The following PDGFC variants were observed in gnomAD, a reference collection of about 807,000 sequenced individuals.
The protein encoded by PDGFC is platelet-derived growth factor C.
Under a neutral mutation model 35.5 loss-of-function variants are expected in PDGFC, and 12 were observed. That is an observed-to-expected ratio of 0.34 (90% confidence interval 0.22 to 0.55). The LOEUF is 0.55. Among genes scored for constraint, PDGFC ranks in the 20% least tolerant of loss-of-function variants. The pLI is 0.91. For missense variants in PDGFC, 322 were observed against 412.4 expected (o/e 0.78, Z 1.90); for synonymous variants, 159 against 148.8 (o/e 1.07, Z -0.50).
chr4:156,769,814 T>G (rs1730644267), intron 4 of PDGFC, among the ~76,000 whole-genome samples: 1 of 152,026 alleles, frequency 6.6e-6, no homozygotes, highest in African/African-American at 2.4e-5. Context: ...TTGTTAAAAC[T>G]ATATATGAGC....
intron 1 of PDGFC, among the ~76,000 whole-genome samples, chr4:156,909,059 T>G (rs1730982057): frequency 6.6e-6 from 1 of 152,158 alleles, no homozygotes; most frequent in Admixed American, 6.5e-5. Flanking sequence ...AGTATTTGCT[T>G]AGAGAATAAG....
At chr4:156,821,184 T>C (rs1732246216) in intron 2 of PDGFC, among the ~76,000 whole-genome samples, 1 of 146,302 alleles carries the variant, frequency 6.8e-6, no homozygotes, top group Middle Eastern at 3.6e-3. Context: ...TGTGTGTGTG[T>C]GTGTGTGTGT....
chr4:156,863,283 A>G (rs1436949407), intron 1 of PDGFC, among the ~76,000 whole-genome samples: 2 of 152,172 alleles, frequency 1.3e-5, no homozygotes, highest in African/African-American at 4.8e-5. Flanking sequence ...CCTAATGACA[A>G]CATAAACCTT....
chr4:156,873,573 A>G (rs1173708219), intron 1 of PDGFC, among the ~76,000 whole-genome samples: 2 of 152,202 alleles, frequency 1.3e-5, no homozygotes, highest in African/African-American at 4.8e-5. Flanking sequence ...AAATCTATTC[A>G]TTTAAGAAAA....
intron 1 of PDGFC, among the ~76,000 whole-genome samples, chr4:156,878,341 G>T (rs1730163043): frequency 6.6e-6 from 1 of 152,048 alleles, no homozygotes; most frequent in Non-Finnish European, 1.5e-5. Context: ...ATAAGGAAAT[G>T]GTTTAGCAAA....
intron 1 of PDGFC, among the ~76,000 whole-genome samples, chr4:156,919,384 T>C (rs1261731207): frequency 2.0e-5 from 3 of 152,174 alleles, no homozygotes; most frequent in Non-Finnish European, 4.4e-5. Flanking sequence ...TACAAATAAC[T>C]TATCTGAAAG....
At chr4:156,935,175 T>A (rs1304095222) in intron 1 of PDGFC, among the ~76,000 whole-genome samples, 3 of 152,100 alleles carry the variant, frequency 2.0e-5, no homozygotes, top group African/African-American at 7.2e-5. Flanking sequence ...TTTTTGTATT[T>A]TTCATACAGA....
intron 1 of PDGFC, among the ~76,000 whole-genome samples, chr4:156,891,481 T>C (rs1730508966): frequency 6.6e-6 from 1 of 152,088 alleles, no homozygotes; most frequent in Non-Finnish European, 1.5e-5. Context: ...TTTCAGGAGA[T>C]TATAAGAACA....
intron 4 of PDGFC, among the ~76,000 whole-genome samples, chr4:156,768,886 G>A (rs1487011727): frequency 6.6e-6 from 1 of 151,844 alleles, no homozygotes; most frequent in East Asian, 1.9e-4. Flanking sequence ...TCTGCCTCAG[G>A]AAAATTATAT....
intron 1 of PDGFC, among the ~76,000 whole-genome samples, chr4:156,949,698 A>G (rs1332183288): frequency 6.6e-6 from 1 of 151,880 alleles, no homozygotes; most frequent in African/African-American, 2.4e-5. Flanking sequence ...GCCAAAATAA[A>G]ATGAGTCATA....
rs1272609746 is a variant in PDGFC, at chr4:156,916,079, T to G, written c.118+54707A>C. Among the ~76,000 whole-genome samples, 3 of 152,158 alleles carry G rather than the reference T, an allele frequency of 2.0e-5. No individual in the cohort carries two copies. In the East Asian group the frequency reaches 5.8e-4, roughly 29 times the overall value. ...TCTTTTGGGAATATTAAGAAGAACC[T>G]TCTTGAGCCCACTGCTCATATAATT... On this transcript the variant is annotated intron_variant, in intron 1 of 5. Coordinates refer to ENST00000502773, the MANE Select transcript of PDGFC (RefSeq NM_016205.3).
In PDGFC at chr4:156,826,174, A is replaced by ATTTTTTTTTTTTTT. The variant is rs59421806; in HGVS notation, c.315-15171_315-15158dup. Among the ~76,000 whole-genome samples, 23 of 43,792 alleles carry ATTTTTTTTTTTTTT rather than the reference A, an allele frequency of 5.3e-4. 3 individuals are homozygous for ATTTTTTTTTTTTTT. The highest frequency in any genetic ancestry group is 6.5e-4 in the African/African-American group (8 of 12,386). 28.7% of individuals were successfully genotyped at this position (43,792 alleles called of 152,430 possible). On this transcript the variant is annotated intron_variant, in intron 2 of 5. Transcript: ENST00000502773. ...GCCACCATATCCAGCTTTGAGTTGG[A>ATTTTTTTTTTTTTT]TTTTTTTTTTTTTTTTTTTTTTTTT...
chr4:156,823,702 G>GA (rs1297010487), intron 2 of PDGFC, among the ~76,000 whole-genome samples: 7 of 152,098 alleles, frequency 4.6e-5, no homozygotes, highest in Non-Finnish European at 7.4e-5. Context: ...GAGAAAAATA[G>GA]AAATACCATA....
chr4:156,825,304 T>C lies in PDGFC; in HGVS notation c.315-14287A>G, dbSNP rs1218122770. ...TGACTCACGTCTGTAATCCCAGTAC[T>C]TTGGGAAGCCAAGGTGGGCAGACTG... On this transcript the variant is annotated intron_variant, in intron 2 of 5. Coordinates refer to ENST00000502773, the MANE Select transcript of PDGFC (RefSeq NM_016205.3). Among the ~76,000 whole-genome samples, 3 of 151,572 alleles carry C rather than the reference T, an allele frequency of 2.0e-5. No individual in the cohort carries two copies. In the East Asian group the frequency reaches 5.9e-4, roughly 30 times the overall value.
chr4:156,939,550 A>G (rs1215865723), intron 1 of PDGFC, among the ~76,000 whole-genome samples: 1 of 152,122 alleles, frequency 6.6e-6, no homozygotes, highest in Non-Finnish European at 1.5e-5. Flanking sequence ...TTTCACTTAA[A>G]TGACAATGTG....
intron 1 of PDGFC, among the ~76,000 whole-genome samples, chr4:156,923,265 C>T (rs1731329800): frequency 6.6e-6 from 1 of 152,144 alleles, no homozygotes. Context: ...CAGGGCCTTT[C>T]CGCTTCCTAT....
intron 1 of PDGFC, among the ~76,000 whole-genome samples, chr4:156,861,999 C>T (rs1044636351): frequency 2.0e-5 from 3 of 152,034 alleles, no homozygotes; most frequent in Admixed American, 6.6e-5. Flanking sequence ...GTAGTCCTCC[C>T]GATGGTGAGT....
intron 2 of PDGFC, among the ~76,000 whole-genome samples, chr4:156,825,596 G>GAA (rs1429067312): frequency 8.2e-5 from 6 of 72,852 alleles, no homozygotes; most frequent in Non-Finnish European, 1.6e-4. Flanking sequence ...ATAATAATAA[G>GAA]AAGAAGAAGA....
intron 1 of PDGFC, among the ~76,000 whole-genome samples, chr4:156,897,350 A>ATGTGTG (rs70956698): frequency 0.24 from 34,715 of 142,866 alleles, 4,546 homozygotes; most frequent in East Asian, 0.39. Context: ...GTGAGAGTGT[A>ATGTGTG]TGTGTGTGTG....
Sources: allele counts gnomAD v4.1 joint callset (sites outside exome capture counted in the v4.1 genomes callset), GRCh38; gene constraint gnomAD v4.1.1; transcripts MANE v1.5; gene names NCBI Gene and HGNC (gene_info 2026-07-23, HGNC 2026-07-21).